The following RGS22 variants were observed in gnomAD, a reference collection of about 807,000 sequenced individuals.
RGS22 encodes the protein regulator of G protein signaling 22.
In RGS22, 148 loss-of-function variants were observed where a neutral mutation model predicts 172.9. The ratio of observed to expected loss-of-function variants is 0.86; its 90% CI spans 0.75 to 0.98. RGS22 has a LOEUF of 0.98. RGS22 is among the 50% of genes least tolerant of loss of function. RGS22 has a pLI of 0.00. For synonymous variants in RGS22, 458 were observed against 480.2 expected (o/e 0.95, Z 0.60); for missense variants, 1,347 against 1,440.8 (o/e 0.93, Z 1.05).
intron 2 of RGS22, among the ~76,000 whole-genome samples, chr8:100,097,834 C>T (rs558227839): frequency 1.3e-5 from 2 of 152,194 alleles, no homozygotes; most frequent in Middle Eastern, 3.2e-3. Flanking sequence ...TTATCCACAC[C>T]ACCCTATGGG....
intron 3 of RGS22, 167 bp downstream of exon 3, chr8:100,093,280 T>A (rs1486464828): frequency 1.6e-5 from 8 of 505,020 alleles, no homozygotes. Context: ...TAAATATGAT[T>A]CAAATCCAAA....
At chr8:99,976,019 GTC>G (rs1811890340) in intron 23 of RGS22, among the ~76,000 whole-genome samples, 3 of 152,018 alleles carry the variant, frequency 2.0e-5, no homozygotes, top group Non-Finnish European at 4.4e-5. Context: ...GTGAAACCCT[GTC>G]TCTACTAAAA....
At chr8:100,076,240 T>C (rs926688373) in intron 4 of RGS22, among the ~76,000 whole-genome samples, 1 of 152,216 alleles carries the variant, frequency 6.6e-6, no homozygotes, top group African/African-American at 2.4e-5. Flanking sequence ...TATCTTTTTT[T>C]CCTTGTGCAT....
chr8:100,071,437 G>T lies in RGS22; in HGVS notation c.526C>A (p.Leu176Ile), dbSNP rs1037162736. ...TCTTCTTCAGTGGCAGGAGGTGGTA[G>T]ACTGGGTGGTTTTTTCACGATCCAG... ...SPWIVKKPPS[L>I]PPPATEEDNL... The change falls in exon 6 of 28, where the codon CTA becomes ATA. Residue 176 changes from leucine (L) to isoleucine (I), a missense_variant. Leu to Ile is a conservative substitution (Grantham distance 5). Coordinates refer to ENST00000360863, the MANE Select transcript of RGS22 (RefSeq NM_015668.5). 6.2e-7 allele frequency: 1 copy of T among 1,613,290 alleles called. No homozygotes were observed. Among genetic ancestry groups the T allele is most frequent in the Non-Finnish European group, 8.5e-7 (1 of 1,179,560 alleles).
At chr8:100,033,613 C>A (rs188197339) in intron 14 of RGS22, among the ~76,000 whole-genome samples, 1 of 151,442 alleles carries the variant, frequency 6.6e-6, no homozygotes, top group African/African-American at 2.4e-5. Context: ...GGACCTGGTA[C>A]CATTTCTTTT....
intron 23 of RGS22, among the ~76,000 whole-genome samples, chr8:99,967,021 T>G (rs770382654): frequency 9.2e-5 from 14 of 152,116 alleles, no homozygotes; most frequent in Non-Finnish European, 2.1e-4. Context: ...TCTCCTGAGG[T>G]ACTTGTTCAT....
rs1812739370 is a variant in RGS22, at chr8:100,093,466, TTAAAG to T, written c.93_97del (p.Tyr31Ter). ...ACTCACTGGAAGGCTTAGGAATTCATTAAAGTAGTCTACAAGGAAATCATCTGTTG... is the reference window on the plus strand; with the variant it reads ...ACTCACTGGAAGGCTTAGGAATTCATTAGTCTACAAGGAAATCATCTGTTG... On this transcript the variant is annotated stop_gained and frameshift_variant, in exon 3 of 28. Transcript: ENST00000360863. LOFTEE classifies it high-confidence loss of function. 2 of 1,595,690 alleles carry T rather than the reference TTAAAG, an allele frequency of 1.3e-6. No homozygotes were observed. Among genetic ancestry groups the T allele is most frequent in the Non-Finnish European group, 1.7e-6 (2 of 1,168,318 alleles).
Position 100,006,113 on chromosome 8 carries a change from A to G in RGS22, c.2362-4T>C. On this transcript the variant is annotated splice_region_variant and splice_polypyrimidine_tract_variant and intron_variant, in intron 15 of 27. Coordinates refer to ENST00000360863, the MANE Select transcript of RGS22 (RefSeq NM_015668.5). ...GAGTTTCTTCCACCAGCTCCACCTA[A>G]AAAAAATAAATAAAGCTTGTGACAT... 21 of 1,608,756 alleles carry G rather than the reference A, an allele frequency of 1.3e-5. No homozygotes were observed. The highest frequency in any genetic ancestry group is 1.8e-5 in the Non-Finnish European group (21 of 1,176,780).
At chr8:100,095,674 T>C (rs1586281068) in intron 2 of RGS22, among the ~76,000 whole-genome samples, 1 of 152,350 alleles carries the variant, frequency 6.6e-6, no homozygotes, top group East Asian at 1.9e-4. Context: ...GCTCAGCTCA[T>C]CTCACTACAG....
intron 13 of RGS22, among the ~76,000 whole-genome samples, chr8:100,039,250 ATAAT>A (rs1216785973): frequency 6.6e-6 from 1 of 152,168 alleles, no homozygotes; most frequent in Non-Finnish European, 1.5e-5. Flanking sequence ...TGCCTCTCAC[ATAAT>A]TAGTCATTAA....
intron 27 of RGS22, 70 bp downstream of exon 27, chr8:99,962,324 G>T: frequency 1.1e-6 from 1 of 929,842 alleles, no homozygotes; most frequent in Non-Finnish European, 1.8e-6. Context: ...GTGTGCATGC[G>T]TGCATGTACA....
chr8:99,969,132 C>G (rs1383800176), intron 23 of RGS22, among the ~76,000 whole-genome samples: 3 of 152,108 alleles, frequency 2.0e-5, no homozygotes, highest in Non-Finnish European at 2.9e-5. Flanking sequence ...AATTTCATAT[C>G]CAACCAAACT....
At position 99,999,320 on chromosome 8, in the gene RGS22, T is replaced by C; in HGVS notation, c.2891A>G (p.Asn964Ser). Residue 964 changes from asparagine to serine, a missense_variant, in exon 19 of 28, where the codon AAT (asparagine) becomes AGT (serine). By Grantham distance (46) the Asn-to-Ser change is conservative (BLOSUM62 1). Coordinates refer to ENST00000360863, the MANE Select transcript of RGS22 (RefSeq NM_015668.5). The part of the protein sequence containing the change: ...IQKHVQNRLE[N>S]VWLPLFLASE... ...TGCAAGAAACAATGGCAGCCATACA[T>C]TTTCTAGCCTATTTTGCACATGCTT... 4 of 1,613,976 alleles carry C rather than the reference T, an allele frequency of 2.5e-6. No individual in the cohort carries two copies. In the Admixed American group the frequency reaches 6.7e-5, roughly 27 times the overall value.
chr8:100,007,352 A>G (rs1815840921), intron 15 of RGS22, among the ~76,000 whole-genome samples: 1 of 152,188 alleles, frequency 6.6e-6, no homozygotes, highest in Admixed American at 6.5e-5. Context: ...CAAAGTAAAT[A>G]TTTAAATAAA....
chr8:100,098,871 ATTTTATTTTAT>A (rs1813220307), intron 2 of RGS22, among the ~76,000 whole-genome samples: 1 of 16,288 alleles, frequency 6.1e-5, no homozygotes, highest in Non-Finnish European at 1.0e-4. Flanking sequence ...TATTTATTTT[ATTTTATTTTAT>A]TTTATTTTAT....
chr8:99,987,603 C>A lies in RGS22; in HGVS notation c.3035G>T (p.Trp1012Leu). The change falls in exon 21 of 28, where the codon TGG (tryptophan) becomes TTG (leucine). Residue 1012 changes from tryptophan to leucine, a missense_variant. Transcript: ENST00000360863. ...AATGATTTTACAAGATGAAGAGATCCACTTACTCTCCACAGGCTGTCCAAA... is the reference window on the plus strand; with the variant it reads ...AATGATTTTACAAGATGAAGAGATCAACTTACTCTCCACAGGCTGTCCAAA... ...IGVWKPVESK[W>L]ISSSCKIIAF... 6.2e-7 allele frequency: 1 copy of A among 1,604,322 alleles called. No individual in the cohort carries two copies. The highest frequency in any genetic ancestry group is 8.5e-7 in the Non-Finnish European group (1 of 1,175,578).
intron 11 of RGS22, among the ~76,000 whole-genome samples, chr8:100,045,172 G>A (rs1820583546): frequency 6.6e-6 from 1 of 151,940 alleles, no homozygotes; most frequent in East Asian, 1.9e-4. Flanking sequence ...TACTTGGGAG[G>A]CTGAGGTGGG....
intron 2 of RGS22, among the ~76,000 whole-genome samples, chr8:100,095,055 G>GTT (rs768881578): frequency 2.0e-5 from 3 of 152,172 alleles, no homozygotes; most frequent in Non-Finnish European, 2.9e-5. Flanking sequence ...CCTGGTGGAC[G>GTT]TAAGTATTGC....
chr8:100,001,753 ATTATAT>A (rs1351659901), intron 18 of RGS22, among the ~76,000 whole-genome samples: 3 of 152,176 alleles, frequency 2.0e-5, no homozygotes, highest in African/African-American at 4.8e-5. Context: ...TCAAAGATTG[ATTATAT>A]TTAGAGTAAT....
Sources: allele counts gnomAD v4.1 joint callset (sites outside exome capture counted in the v4.1 genomes callset), GRCh38; gene constraint gnomAD v4.1.1; transcripts MANE v1.5; gene names NCBI Gene and HGNC (gene_info 2026-07-23, HGNC 2026-07-21).